Variants in NAALADL2 observed in about 807,000 individuals in gnomAD.
NAALADL2 encodes the protein inactive N-acetylated-alpha-linked acidic dipeptidase-like protein 2.
A neutral mutation model predicts 87.2 loss-of-function variants in NAALADL2; 76 were observed. The observed-to-expected ratio is 0.87, with a 90% CI of 0.72 to 1.05. NAALADL2 has a LOEUF of 1.05. Ranked by LOEUF, NAALADL2 falls within the 50% of genes least tolerant of loss-of-function variation. NAALADL2 has a pLI of 0.00. For synonymous variants in NAALADL2, 354 were observed against 331.0 expected, an observed-to-expected ratio of 1.07 and a Z score of -0.75; for missense variants, 1,089 against 945.8, an observed-to-expected ratio of 1.15 and a Z score of -1.99.
intron 11 of NAALADL2, among the ~76,000 whole-genome samples, chr3:175,665,685 C>G (rs905353246): frequency 3.3e-5 from 5 of 152,154 alleles, no homozygotes; most frequent in Non-Finnish European, 7.3e-5. Context: ...GTAATCCCAG[C>G]ACTTTGAGGG....
At chr3:175,502,640 TCAC>T (rs1729716146) in intron 9 of NAALADL2, among the ~76,000 whole-genome samples, 1 of 152,092 alleles carries the variant, frequency 6.6e-6, no homozygotes, top group African/African-American at 2.4e-5. Flanking sequence ...TGTTGGAACT[TCAC>T]AGCCTCGTTA....
intron 11 of NAALADL2, among the ~76,000 whole-genome samples, chr3:175,689,686 T>G (rs573317721): frequency 6.6e-6 from 1 of 152,286 alleles, no homozygotes; most frequent in Non-Finnish European, 1.5e-5. Context: ...GTTTCCTTTC[T>G]TCTTGGTAAG....
intron 1 of NAALADL2, among the ~76,000 whole-genome samples, chr3:174,936,416 C>A (rs1414654513): frequency 6.6e-6 from 1 of 151,914 alleles, no homozygotes. Flanking sequence ...TATAAAATGT[C>A]CATGAATTGT....
Position 175,435,209 on chromosome 3 carries a change from G to T in NAALADL2, c.1091-12020G>T, listed in dbSNP as rs536186428. On this transcript the variant is annotated intron_variant, in intron 5 of 13. Coordinates refer to ENST00000454872, the MANE Select transcript of NAALADL2 (RefSeq NM_207015.3). ...AAAACCCTTTACCAGAGAAAGTCTT[G>T]TTTCTTGGGTAGAAAGTTCAGGTTA... is the stretch of plus-strand genomic sequence containing the variant. Among the ~76,000 whole-genome samples, 17 of 152,014 alleles carry T rather than the reference G, an allele frequency of 1.1e-4. No individual in the cohort carries two copies. In the East Asian group the frequency reaches 2.9e-3, roughly 26 times the overall value.
chr3:175,295,760 C>T (rs1756272452), intron 4 of NAALADL2, among the ~76,000 whole-genome samples: 1 of 151,602 alleles, frequency 6.6e-6, no homozygotes, highest in East Asian at 1.9e-4. Flanking sequence ...CTCTCTCTCT[C>T]TCTCAGCACT....
chr3:175,482,208 C>CT (rs1306066027), intron 9 of NAALADL2, among the ~76,000 whole-genome samples: 1 of 151,932 alleles, frequency 6.6e-6, no homozygotes, highest in African/African-American at 2.4e-5. Context: ...TCTAAGTCTG[C>CT]TAAAATTACT....
chr3:174,569,710 C>G (rs909592136), intron 2 of NAALADL2, among the ~76,000 whole-genome samples: 1 of 152,060 alleles, frequency 6.6e-6, no homozygotes, highest in African/African-American at 2.4e-5. Flanking sequence ...ACAGTTTATT[C>G]TAGGCTAGTT....
intron 1 of NAALADL2, among the ~76,000 whole-genome samples, chr3:174,501,891 GT>G (rs964941827): frequency 6.6e-6 from 1 of 151,040 alleles, no homozygotes; most frequent in African/African-American, 2.4e-5. Context: ...TCTATTTTTT[GT>G]TTCATTAATT....
intron 2 of NAALADL2, among the ~76,000 whole-genome samples, chr3:174,726,199 T>TA (rs1385751399): frequency 5.3e-5 from 8 of 152,062 alleles, no homozygotes; most frequent in Admixed American, 5.2e-4. Context: ...ATACATCTAT[T>TA]AAAAAATCCT....
chr3:174,607,660 C>G (rs1364560924), intron 2 of NAALADL2, among the ~76,000 whole-genome samples: 3 of 152,118 alleles, frequency 2.0e-5, no homozygotes, highest in African/African-American at 7.2e-5. Flanking sequence ...CACCCAGATT[C>G]ATAAGGAAGT....
chr3:175,134,983 T>C (rs190927576), intron 2 of NAALADL2, among the ~76,000 whole-genome samples: 1 of 152,288 alleles, frequency 6.6e-6, no homozygotes, highest in East Asian at 1.9e-4. Flanking sequence ...ACATCCTACA[T>C]TAATTGATGA....
chr3:175,284,703 A>G (rs980149550), intron 4 of NAALADL2, among the ~76,000 whole-genome samples: 2 of 152,130 alleles, frequency 1.3e-5, no homozygotes, highest in African/African-American at 2.4e-5. Context: ...TTAAAATAAT[A>G]ATTAAATTAC....
At chr3:174,615,517 T>C (rs1720367742) in intron 2 of NAALADL2, among the ~76,000 whole-genome samples, 1 of 152,322 alleles carries the variant, frequency 6.6e-6, no homozygotes, top group African/African-American at 2.4e-5. Context: ...AGCGTATTGC[T>C]TGGTGTATTA....
intron 11 of NAALADL2, among the ~76,000 whole-genome samples, chr3:175,629,970 G>T (rs928875453): frequency 6.6e-6 from 1 of 151,796 alleles, no homozygotes; most frequent in Non-Finnish European, 1.5e-5. Context: ...ATGTTGGAAA[G>T]AATTATATGT....
At chr3:175,113,600 CAG>C (rs1724573663) in intron 2 of NAALADL2, among the ~76,000 whole-genome samples, 1 of 151,408 alleles carries the variant, frequency 6.6e-6, no homozygotes, top group Non-Finnish European at 1.5e-5. Flanking sequence ...TCAAAGATGA[CAG>C]AGAGTTTATC....
intron 5 of NAALADL2, among the ~76,000 whole-genome samples, chr3:175,418,126 G>T (rs1383835784): frequency 6.6e-6 from 1 of 152,054 alleles, no homozygotes; most frequent in Non-Finnish European, 1.5e-5. Context: ...CCAGAAAAGA[G>T]AAAAAGAGAA....
At chr3:175,497,841 T>G (rs1250047741) in intron 9 of NAALADL2, among the ~76,000 whole-genome samples, 1 of 152,146 alleles carries the variant, frequency 6.6e-6, no homozygotes, top group Non-Finnish European at 1.5e-5. Context: ...AAGTTTCAGT[T>G]TGTTCCTCTA....
chr3:175,366,931 G>C (rs867014000), intron 5 of NAALADL2, among the ~76,000 whole-genome samples: 2 of 151,528 alleles, frequency 1.3e-5, no homozygotes, highest in Non-Finnish European at 2.9e-5. Flanking sequence ...TGAAGTCCTT[G>C]CCCATGCCTA....
intron 13 of NAALADL2, among the ~76,000 whole-genome samples, chr3:175,776,772 G>A (rs1413720608): frequency 6.6e-6 from 1 of 152,020 alleles, no homozygotes; most frequent in African/African-American, 2.4e-5. Flanking sequence ...GAGATACAGT[G>A]GATAAGAAGG....
Sources: gnomAD v4.1 joint callset for allele counts (sites outside exome capture counted in the v4.1 genomes callset) on GRCh38, gnomAD v4.1.1 for gene constraint, MANE v1.5 for transcripts, NCBI Gene and HGNC (gene_info 2026-07-23, HGNC 2026-07-21) for gene names.